Variants in COBLL1 observed in about 807,000 individuals in gnomAD.
COBLL1 encodes cordon-bleu WH2 repeat protein like 1.
A neutral mutation model predicts 94.8 loss-of-function variants in COBLL1; 50 were observed. The ratio of observed to expected loss-of-function variants is 0.53; its 90% CI spans 0.42 to 0.67. The LOEUF (loss-of-function observed/expected upper bound fraction) is 0.67, where lower values mean the gene tolerates loss of function less well. Among genes scored for constraint, COBLL1 ranks in the 30% least tolerant of loss-of-function variants. The probability of loss-of-function intolerance (pLI) is 0.00; values close to 1 mark genes in which losing one functional copy is unlikely to be tolerated. For synonymous variants in COBLL1, 448 were observed against 473.8 expected, an observed-to-expected ratio of 0.95 and a Z score of 0.71; for missense variants, 1,362 against 1,348.7, an observed-to-expected ratio of 1.01 and a Z score of -0.15.
chr2:164,824,972 G>C (rs917236648), intron 2 of COBLL1, among the ~76,000 whole-genome samples: 1 of 152,180 alleles, frequency 6.6e-6, no homozygotes, highest in African/African-American at 2.4e-5. Context: ...ATGACATCTG[G>C]ATTCCAGGCT....
intron 2 of COBLL1, among the ~76,000 whole-genome samples, chr2:164,793,344 AAAG>A (rs1683286596): frequency 6.6e-6 from 1 of 152,078 alleles, no homozygotes; most frequent in African/African-American, 2.4e-5. Flanking sequence ...AAGTTTTTTA[AAAG>A]AAGGGAGTTT....
At chr2:164,760,324 G>GT (rs1553475355) in intron 2 of COBLL1, among the ~76,000 whole-genome samples, 1 of 152,164 alleles carries the variant, frequency 6.6e-6, no homozygotes, top group Non-Finnish European at 1.5e-5. Context: ...TTCTGCTTAC[G>GT]TAAGAGTCTC....
rs1187312787 is a variant in COBLL1, at chr2:164,722,469, C to T, written c.715G>A (p.Gly239Arg). 1 of 1,526,796 alleles carries T rather than the reference C, an allele frequency of 6.5e-7. No individual in the cohort carries two copies. Among genetic ancestry groups the T allele is most frequent in the African/African-American group, 1.4e-5 (1 of 71,568 alleles). The allele number at this position is 1,526,796 out of a possible 1,614,324, so 94.6% of individuals were successfully genotyped here. The change falls in exon 6 of 14, where the codon GGG (glycine) becomes AGG (arginine). Residue 239 changes from glycine (G) to arginine (R), a missense_variant. Transcript: ENST00000652658. The part of the protein sequence containing the change: ...LDIMKEKENK[G>R]FFSFFQRSKK... ...CTGCGTTGAAAAAAACTGAAAAACC[C>T]TTTATTTTCTTTCTCCTTCATAATA...
chr2:164,724,604 A>G (rs979810703), intron 5 of COBLL1: 2 of 152,224 alleles, frequency 1.3e-5, no homozygotes, highest in Admixed American at 6.5e-5. Context: ...ACTAAGCAAC[A>G]TATGGATTTT....
chr2:164,753,739 A>ATT (rs71393637), intron 2 of COBLL1, among the ~76,000 whole-genome samples: 1,532 of 138,602 alleles, frequency 0.011, 29 homozygotes, highest in African/African-American at 0.037. Flanking sequence ...GAGTATGGGA[A>ATT]TTTTTTTTTT....
chr2:164,746,269 C>T (rs1021274947), intron 2 of COBLL1, among the ~76,000 whole-genome samples: 22 of 152,136 alleles, frequency 1.4e-4, no homozygotes, highest in African/African-American at 5.1e-4. Flanking sequence ...ATAATCTAGT[C>T]TCAACGAAAC....
In COBLL1 at chr2:164,680,531, C is replaced by A. The variant is rs1000495016; in HGVS notation, c.*5415G>T. ...TGAGTTACTCTTTTCCGTAATGACG[C>A]CTCTTGGTTTCTTGACTTAGGGAGT... On this transcript the variant is annotated 3_prime_UTR_variant, in exon 14 of 14. Transcript: ENST00000652658. 1 of 152,072 alleles carries A rather than the reference C, an allele frequency of 6.6e-6. No individual in the cohort carries two copies. The highest frequency in any genetic ancestry group is 1.9e-4 in the East Asian group (1 of 5,186). 9.4% of individuals were successfully genotyped at this position (152,072 alleles called of 1,614,324 possible). A position where few individuals can be genotyped will look rare whatever the true frequency, so the allele number is the denominator to read the frequency against.
chr2:164,758,384 A>G (rs1687514566), intron 2 of COBLL1, among the ~76,000 whole-genome samples: 1 of 152,070 alleles, frequency 6.6e-6, no homozygotes, highest in East Asian at 1.9e-4. Flanking sequence ...ATAGAACCCT[A>G]AAATAATTCA....
intron 7 of COBLL1, among the ~76,000 whole-genome samples, chr2:164,710,258 G>C (rs1684817506): frequency 6.6e-6 from 1 of 152,080 alleles, no homozygotes; most frequent in Non-Finnish European, 1.5e-5. Flanking sequence ...CCTTCTCTTG[G>C]GGAGGCGCGG....
At chr2:164,763,770 G>C (rs2105229717) in intron 2 of COBLL1, among the ~76,000 whole-genome samples, 1 of 152,244 alleles carries the variant, frequency 6.6e-6, no homozygotes, top group East Asian at 1.9e-4. Context: ...GAATATAATA[G>C]AAACAATGTC....
In COBLL1 at chr2:164,728,143, C is replaced by A; in HGVS notation, c.487G>T (p.Val163Leu). The change falls in exon 5 of 14, where the codon GTG (valine) becomes TTG (leucine). Residue 163 changes from valine to leucine, a missense_variant. By Grantham distance (32) the Val-to-Leu change is conservative (BLOSUM62 1). Coordinates refer to ENST00000652658, the MANE Select transcript of COBLL1 (RefSeq NM_001365672.2). ...TCTTGAAGCGATGCATGTGGACTCA[C>A]TCTCACTATGGTCTTCTGTGTTTTC... The part of the protein sequence containing the change: ...FKKTQKTIVR[V>L]SPHASLQELA... The A allele has an allele frequency of 6.2e-7, 1 of 1,613,784 alleles. No homozygotes were observed.
At chr2:164,748,502 AC>A (rs1190194638) in intron 2 of COBLL1, among the ~76,000 whole-genome samples, 2 of 152,218 alleles carry the variant, frequency 1.3e-5, no homozygotes, top group Non-Finnish European at 2.9e-5. Flanking sequence ...ACATTCAATA[AC>A]AACTATACTT....
At chr2:164,751,789 T>C (rs1156698495) in intron 2 of COBLL1, among the ~76,000 whole-genome samples, 1 of 152,150 alleles carries the variant, frequency 6.6e-6, no homozygotes, top group Non-Finnish European at 1.5e-5. Flanking sequence ...AGGAAGTTTC[T>C]AAATGGTTTT....
chr2:164,764,757 A>G (rs1304664967), intron 2 of COBLL1, among the ~76,000 whole-genome samples: 2 of 152,316 alleles, frequency 1.3e-5, no homozygotes, highest in East Asian at 3.9e-4. Context: ...TAATTTTAAC[A>G]CTAAAAGAAT....
At chr2:164,748,745 G>A (rs1686989699) in intron 2 of COBLL1, among the ~76,000 whole-genome samples, 1 of 151,932 alleles carries the variant, frequency 6.6e-6, no homozygotes, top group South Asian at 2.1e-4. Context: ...GTGGAGAGGA[G>A]GTTATACTGG....
At chr2:164,797,307 A>C (rs534860156) in intron 2 of COBLL1, among the ~76,000 whole-genome samples, 67 of 152,308 alleles carry the variant, frequency 4.4e-4, no homozygotes, top group Middle Eastern at 3.4e-3. Flanking sequence ...TTTTTCAGAA[A>C]GTTCTAAGCT....
chr2:164,691,181 T>G (rs1306632453), intron 13 of COBLL1, among the ~76,000 whole-genome samples: 1 of 152,128 alleles, frequency 6.6e-6, no homozygotes, highest in African/African-American at 2.4e-5. Flanking sequence ...CACTCATACC[T>G]CCTCACATAC....
rs78478771 is a variant in COBLL1, at chr2:164,753,778, G to A, written c.42-9903C>T. On this transcript the variant is annotated intron_variant, in intron 2 of 13. Transcript: ENST00000652658. ...TTTTTTTAAGACAGAGGCTCACTCCGTCACCCAGGCTGGAAGGCAGTGGTA... is the reference window on the plus strand; with the variant it reads ...TTTTTTTAAGACAGAGGCTCACTCCATCACCCAGGCTGGAAGGCAGTGGTA... Among the ~76,000 whole-genome samples the A allele has an allele frequency of 7.1e-3, 1,028 of 145,406 alleles. 13 individuals carry two copies. The highest frequency in any genetic ancestry group is 0.024 in the African/African-American group (943 of 38,618).
chr2:164,757,698 G>A (rs1687480360), intron 2 of COBLL1, among the ~76,000 whole-genome samples: 1 of 151,894 alleles, frequency 6.6e-6, no homozygotes, highest in African/African-American at 2.4e-5. Flanking sequence ...TACAGTTTCA[G>A]CTACTTGGGA....
Sources: gnomAD v4.1 joint callset for allele counts (sites outside exome capture counted in the v4.1 genomes callset) on GRCh38, gnomAD v4.1.1 for gene constraint, MANE v1.5 for transcripts, NCBI Gene and HGNC (gene_info 2026-07-23, HGNC 2026-07-21) for gene names.